The following PIK3R4 variants were observed in gnomAD, a reference collection of about 807,000 sequenced individuals.
PIK3R4 encodes phosphoinositide 3-kinase regulatory subunit 4.
In PIK3R4, 46 loss-of-function variants were observed where a neutral mutation model predicts 136.5. The ratio of observed to expected loss-of-function variants is 0.34; its 90% CI spans 0.27 to 0.43. PIK3R4 has a LOEUF of 0.43. Among genes scored for constraint, PIK3R4 ranks in the 20% least tolerant of loss-of-function variants. The probability of loss-of-function intolerance (pLI) is 1.00; values close to 1 mark genes in which losing one functional copy is unlikely to be tolerated. For synonymous variants in PIK3R4, 557 were observed against 566.7 expected (o/e 0.98, Z 0.24); for missense variants, 1,331 against 1,649.5 (o/e 0.81, Z 3.35).
Position 130,707,062 on chromosome 3 carries a change from T to C in PIK3R4, c.2607A>G (p.Pro869=), listed in dbSNP as rs1181662823. Residue 869 remains proline, a synonymous_variant, in exon 11 of 20, where the codon CCA becomes CCG. Coordinates refer to ENST00000356763, the MANE Select transcript of PIK3R4 (RefSeq NM_014602.3). ...CTTTAGGTAGGGCCTGTGGCATGTT[T>C]GGTGGGTCCAGTGACCCAAACATGC... ...WKSMFGSLDP[P]NMPQALPKGS... The C allele has an allele frequency of 6.2e-7, 1 of 1,612,692 alleles. No homozygotes were observed. Among genetic ancestry groups the C allele is most frequent in the East Asian group, 2.2e-5 (1 of 44,808 alleles).
chr3:130,692,653 T>C (rs1234504472), intron 13 of PIK3R4, among the ~76,000 whole-genome samples: 2 of 152,242 alleles, frequency 1.3e-5, no homozygotes, highest in Non-Finnish European at 1.5e-5. Context: ...ATAACGCTGC[T>C]ATAAATATTT....
In PIK3R4 at chr3:130,686,299, T is replaced by C. The variant is rs2066489881; in HGVS notation, c.3387A>G (p.Ser1129=). 20 of 1,613,580 alleles carry C rather than the reference T, an allele frequency of 1.2e-5. No individual in the cohort carries two copies. The highest frequency in any genetic ancestry group is 1.7e-5 in the Non-Finnish European group (20 of 1,179,572). Residue 1129 remains serine (S), a synonymous_variant, in exon 15 of 20, where the codon TCA becomes TCG. Coordinates refer to ENST00000356763, the MANE Select transcript of PIK3R4 (RefSeq NM_014602.3). ...CATGCTTTAAAGTCCACGCATTGCT[T>C]GAAGACCTAAGGTCCCAGCCAACCA... The part of the protein sequence containing the change: ...GSLVGWDLRS[S]SNAWTLKHDL...
intron 13 of PIK3R4, among the ~76,000 whole-genome samples, chr3:130,694,882 T>A (rs2066537544): frequency 6.6e-6 from 1 of 152,122 alleles, no homozygotes; most frequent in Non-Finnish European, 1.5e-5. Context: ...AAGCTTTCAA[T>A]CTTTTAACAT....
chr3:130,706,985 G>C lies in PIK3R4; in HGVS notation c.2684C>G (p.Ser895Cys). 1 of 1,612,386 alleles carries C rather than the reference G, an allele frequency of 6.2e-7. No homozygotes were observed. The highest frequency in any genetic ancestry group is 8.5e-7 in the Non-Finnish European group (1 of 1,179,304). ...QTGKPPRSES[S>C]AGICVPLSTS... ...TGACAAAGGGACACAAATGCCAGCA[G>C]AGGACTCGGAACGAGGAGGTTTCCC... is the stretch of plus-strand genomic sequence containing the variant. Residue 895 changes from serine (S) to cysteine (C), a missense_variant, in exon 11 of 20, where the codon TCT becomes TGT. This residue lies in a region of PIK3R4 where 1,180 missense variants were observed against 1,407.0 expected (regional missense o/e 0.84). Transcript: ENST00000356763.
In PIK3R4 at chr3:130,686,278, C is replaced by G. The variant is rs763226899; in HGVS notation, c.3408G>C (p.Lys1136Asn). ...TGATGAGGCCCGACTTTAAATCATG[C>G]TTTAAAGTCCACGCATTGCTTGAAG... ...LRSSSNAWTL[K>N]HDLKSGLITS... The change falls in exon 15 of 20, where the codon AAG (lysine) becomes AAC (asparagine). Residue 1136 changes from lysine (K) to asparagine (N), a missense_variant. Coordinates refer to ENST00000356763, the MANE Select transcript of PIK3R4 (RefSeq NM_014602.3). 2.5e-6 allele frequency: 4 copies of G among 1,612,978 alleles called. No homozygotes were observed. Among genetic ancestry groups the G allele is most frequent in the Non-Finnish European group, 3.4e-6 (4 of 1,179,168 alleles).
intron 1 of PIK3R4, among the ~76,000 whole-genome samples, chr3:130,746,087 C>T (rs1295507068): frequency 6.6e-6 from 1 of 151,856 alleles, no homozygotes; most frequent in Non-Finnish European, 1.5e-5. Context: ...TCTAAAAATT[C>T]AGTTAACTCC....
At position 130,701,283 on chromosome 3, in the gene PIK3R4, G is replaced by A. The variant is rs573105121; in HGVS notation, c.3098+2440C>T. ...ACTCAGCACTTTGGGAGGCTGAGGC[G>A]GGCGGATCACTTGAGGTCAGGAGTT... On this transcript the variant is annotated intron_variant, in intron 13 of 19. Transcript: ENST00000356763. 6.6e-5 allele frequency among the ~76,000 whole-genome samples: 10 copies of A among 152,132 alleles called. No individual in the cohort carries two copies. In the East Asian group the frequency reaches 9.7e-4, roughly 15 times the overall value.
chr3:130,705,810 G>A, intron 11 of PIK3R4, 39 bp from the exon 12 acceptor site: 1 of 1,252,320 alleles, frequency 8.0e-7, no homozygotes, highest in African/African-American at 1.5e-5. Context: ...TACGTCGTAA[G>A]CAAAGTATAT....
At chr3:130,690,230 C>T (rs2066508682) in intron 14 of PIK3R4, among the ~76,000 whole-genome samples, 2 of 152,126 alleles carry the variant, frequency 1.3e-5, no homozygotes, top group Non-Finnish European at 2.9e-5. Flanking sequence ...TTCAAAGCTG[C>T]CCCTTTGACC....
At chr3:130,727,973 T>C (rs1423726388) in intron 6 of PIK3R4, among the ~76,000 whole-genome samples, 2 of 129,324 alleles carry the variant, frequency 1.5e-5, no homozygotes, top group Non-Finnish European at 3.0e-5. Flanking sequence ...TTTTCACAAA[T>C]TTTCAGTTAC....
At chr3:130,702,434 T>G (rs1002579733) in intron 13 of PIK3R4, among the ~76,000 whole-genome samples, 23 of 152,128 alleles carry the variant, frequency 1.5e-4, no homozygotes, top group African/African-American at 5.3e-4. Context: ...TTAAGAATGG[T>G]GTAAAAATAT....
intron 2 of PIK3R4, 81 bp downstream of exon 2, chr3:130,744,405 T>C: frequency 1.4e-6 from 2 of 1,425,252 alleles, no homozygotes; most frequent in South Asian, 2.8e-5. Flanking sequence ...CAATATCTGG[T>C]GACTAAAAAA....
chr3:130,723,344 T>C, intron 7 of PIK3R4, 70 bp downstream of exon 7: 1 of 1,345,824 alleles, frequency 7.4e-7, no homozygotes, highest in Non-Finnish European at 1.0e-6. Context: ...AAGTTGCAAT[T>C]CTTTATATTA....
chr3:130,729,433 T>G (rs2066750255), intron 5 of PIK3R4, among the ~76,000 whole-genome samples: 1 of 152,170 alleles, frequency 6.6e-6, no homozygotes, highest in African/African-American at 2.4e-5. Flanking sequence ...AGGTAACTGG[T>G]CTGACATGCA....
intron 7 of PIK3R4, among the ~76,000 whole-genome samples, chr3:130,718,911 C>A (rs912863079): frequency 3.3e-5 from 5 of 152,160 alleles, no homozygotes; most frequent in Non-Finnish European, 7.4e-5. Context: ...TATTCCCCAA[C>A]TTGTACCCCC....
intron 6 of PIK3R4, 172 bp from the exon 7 acceptor site, chr3:130,723,759 T>C (rs1290726963): frequency 3.9e-6 from 2 of 506,364 alleles, no homozygotes; most frequent in East Asian, 3.3e-5. Context: ...GCAAGGCAAA[T>C]CATCAGGAAA....
rs1442763453 is a variant in PIK3R4, at chr3:130,680,607, CAGT to C, written c.3906+3_3906+5del. The C allele has an allele frequency of 6.7e-7, 1 of 1,487,550 alleles. No individual in the cohort carries two copies. Among genetic ancestry groups the C allele is most frequent in the Non-Finnish European group, 9.4e-7 (1 of 1,069,286 alleles). 92.1% of individuals were successfully genotyped at this position (1,487,550 alleles called of 1,614,324 possible). ...AAAGGTGAAAGGAATGAAAAGACTA[CAGT>C]ACCTGGACAACTTCAGTGCCTTCAA... On this transcript the variant is annotated splice_donor_5th_base_variant and intron_variant, in intron 19 of 19. Transcript: ENST00000356763.
intron 14 of PIK3R4, among the ~76,000 whole-genome samples, chr3:130,689,394 C>T (rs2107601380): frequency 6.6e-6 from 1 of 152,296 alleles, no homozygotes; most frequent in Non-Finnish European, 1.5e-5. Flanking sequence ...TGTTACTATA[C>T]AGACATCATC....
intron 9 of PIK3R4, among the ~76,000 whole-genome samples, chr3:130,711,145 A>G (rs2066630389): frequency 6.6e-6 from 1 of 152,124 alleles, no homozygotes; most frequent in Non-Finnish European, 1.5e-5. Flanking sequence ...GCTTCTGACC[A>G]TGATGAAATA....
Sources: gnomAD v4.1 joint callset for allele counts (sites outside exome capture counted in the v4.1 genomes callset) on GRCh38, gnomAD v4.1.1 for gene constraint, gnomAD v4.1.1 regional missense constraint, MANE v1.5 for transcripts, NCBI Gene and HGNC (gene_info 2026-07-23, HGNC 2026-07-21) for gene names.